DCC: variants seen among roughly 807,000 people sequenced by gnomAD.
DCC encodes DCC netrin 1 receptor.
A neutral mutation model predicts 172.5 loss-of-function variants in DCC; 58 were observed. That is an observed-to-expected ratio of 0.34 (90% CI 0.27 to 0.42). The LOEUF (loss-of-function observed/expected upper bound fraction) is 0.42. DCC is among the 10% of genes least tolerant of loss of function. The pLI, the probability that DCC is intolerant of heterozygous loss-of-function variation, is 1.00. For missense variants in DCC, 1,740 were observed against 1,791.0 expected (o/e 0.97, Z 0.51); for synonymous variants, 709 against 644.5 (o/e 1.10, Z -1.52).
chr18:53,523,090 C>T (rs1233230009), intron 27 of DCC, among the ~76,000 whole-genome samples: 1 of 152,060 alleles, frequency 6.6e-6, no homozygotes, highest in Non-Finnish European at 1.5e-5. Context: ...ACAACCCCTT[C>T]AAAAAGTGGG....
chr18:52,430,881 C>A (rs1276052106), intron 1 of DCC, among the ~76,000 whole-genome samples: 3 of 152,144 alleles, frequency 2.0e-5, no homozygotes, highest in Non-Finnish European at 4.4e-5. Flanking sequence ...TCACTAGACA[C>A]TTTAAATTAC....
intron 1 of DCC, among the ~76,000 whole-genome samples, chr18:52,712,855 G>A (rs1010336325): frequency 6.6e-6 from 1 of 152,196 alleles, no homozygotes; most frequent in Non-Finnish European, 1.5e-5. Flanking sequence ...AGGGCTGAGT[G>A]TGTAGAGTTG....
At chr18:53,053,740 A>G (rs2042365590) in intron 5 of DCC, among the ~76,000 whole-genome samples, 1 of 152,168 alleles carries the variant, frequency 6.6e-6, no homozygotes, top group Non-Finnish European at 1.5e-5. Flanking sequence ...GTCAGTATGC[A>G]TTGTTTGGGA....
intron 1 of DCC, among the ~76,000 whole-genome samples, chr18:52,689,079 C>A (rs2035887545): frequency 6.6e-6 from 1 of 152,078 alleles, no homozygotes; most frequent in African/African-American, 2.4e-5. Context: ...GAATTTTGGT[C>A]AAGGACATTG....
chr18:52,758,975 T>C (rs1320301300), intron 2 of DCC: 2 of 152,220 alleles, frequency 1.3e-5, no homozygotes, highest in African/African-American at 4.8e-5. Context: ...ATTAAATTGC[T>C]CTGACTCTGT....
chr18:52,625,633 G>A (rs1045217530), intron 1 of DCC, among the ~76,000 whole-genome samples: 9 of 152,104 alleles, frequency 5.9e-5, no homozygotes, highest in African/African-American at 9.6e-5. Context: ...ACAACCTCTC[G>A]GCTCTACCTG....
chr18:52,884,654 G>A (rs2039543575), intron 2 of DCC, among the ~76,000 whole-genome samples: 1 of 152,064 alleles, frequency 6.6e-6, no homozygotes, highest in Non-Finnish European at 1.5e-5. Flanking sequence ...TGAATTCTCT[G>A]TCTGAAAGGT....
chr18:52,545,216 T>C (rs1282721055), intron 1 of DCC, among the ~76,000 whole-genome samples: 2 of 152,312 alleles, frequency 1.3e-5, no homozygotes, highest in East Asian at 1.9e-4. Context: ...TGGGTCAGAC[T>C]TGATAGCTTC....
In DCC at chr18:52,702,727, C is replaced by T. The variant is rs1446377341; in HGVS notation, c.92-49327C>T. 1.3e-5 allele frequency among the ~76,000 whole-genome samples: 2 copies of T among 152,162 alleles called. 1 individual carries two copies. The highest frequency in any genetic ancestry group is 3.9e-4 in the East Asian group (2 of 5,190). ...AGCTCCCTTGGCCTTGTGGGGAATT[C>T]ACATTGCAAATTGTCATCCTTCATT... On this transcript the variant is annotated intron_variant, in intron 1 of 28. Coordinates refer to ENST00000442544, the MANE Select transcript of DCC (RefSeq NM_005215.4).
At position 52,832,748 on chromosome 18, in the gene DCC, G is replaced by A. The variant is rs140021573; in HGVS notation, c.413-73296G>A. The stretch of plus-strand genomic sequence containing the variant: ...TTTGCAACTTCATTGCCCTTTTATT[G>A]GCCATTGACTTTGCAAACAGAATGT... On this transcript the variant is annotated intron_variant, in intron 2 of 28. Transcript: ENST00000442544. 1.7e-3 allele frequency among the ~76,000 whole-genome samples: 266 copies of A among 152,124 alleles called. 3 individuals are homozygous for A. Among genetic ancestry groups the A allele is most frequent in the African/African-American group, 6.0e-3 (248 of 41,470 alleles).
chr18:52,848,306 C>T lies in DCC; in HGVS notation c.413-57738C>T, dbSNP rs576948920. On this transcript the variant is annotated intron_variant, in intron 2 of 28. Transcript: ENST00000442544. The stretch of plus-strand genomic sequence containing the variant: ...TTTGCCATGTTGGCCAGGCTAGTCT[C>T]AAACTTCTGACCCCAGGTGATTTGC... Among the ~76,000 whole-genome samples the T allele has an allele frequency of 9.2e-5, 14 of 152,140 alleles. No homozygotes were observed. The East Asian group carries it at 1.9e-3, about 21-fold the overall frequency.
At chr18:53,326,701 CA>C (rs2144837269) in intron 14 of DCC, among the ~76,000 whole-genome samples, 2 of 152,086 alleles carry the variant, frequency 1.3e-5, no homozygotes, top group East Asian at 3.9e-4. Flanking sequence ...TGACTTGCAC[CA>C]AAAGTTTCTT....
chr18:53,198,010 A>T (rs2055474828), intron 9 of DCC, among the ~76,000 whole-genome samples: 1 of 152,192 alleles, frequency 6.6e-6, no homozygotes, highest in Non-Finnish European at 1.5e-5. Context: ...AAAATAAAAT[A>T]GAAGTCTATT....
At position 53,386,025 on chromosome 18, in the gene DCC, T is replaced by G; in HGVS notation, c.2360-18T>G. 1 of 1,503,302 alleles carries G rather than the reference T, an allele frequency of 6.7e-7. No individual in the cohort carries two copies. The highest frequency in any genetic ancestry group is 9.3e-7 in the Non-Finnish European group (1 of 1,079,036). 93.1% of individuals were successfully genotyped at this position (1,503,302 alleles called of 1,614,324 possible). A position where few individuals can be genotyped will look rare whatever the true frequency, so the allele number is the denominator to read the frequency against. On this transcript the variant is annotated intron_variant, in intron 15 of 28. Coordinates refer to ENST00000442544, the MANE Select transcript of DCC (RefSeq NM_005215.4). ...TAAATATATCAACACGTTCATATTG[T>G]TTCTGTTTTTTCTCCAGAGTCAAGT...
At chr18:52,664,948 T>A (rs1343365330) in intron 1 of DCC, among the ~76,000 whole-genome samples, 1 of 152,210 alleles carries the variant, frequency 6.6e-6, no homozygotes, top group African/African-American at 2.4e-5. Context: ...GCCTCTCAGA[T>A]GCTGCCCTCT....
chr18:53,043,355 C>T (rs932937478), intron 5 of DCC, among the ~76,000 whole-genome samples: 1 of 151,860 alleles, frequency 6.6e-6, no homozygotes, highest in Non-Finnish European at 1.5e-5. Context: ...GGAGAAATAC[C>T]TAATGTAGAT....
At chr18:53,344,649 C>A (rs1449316424) in intron 15 of DCC, among the ~76,000 whole-genome samples, 2 of 151,402 alleles carry the variant, frequency 1.3e-5, no homozygotes, top group Admixed American at 1.3e-4. Context: ...ACAATCTTGT[C>A]CATGCTGGTC....
At chr18:53,417,635 A>T (rs931175261) in intron 21 of DCC, among the ~76,000 whole-genome samples, 1 of 152,016 alleles carries the variant, frequency 6.6e-6, no homozygotes, top group African/African-American at 2.4e-5. Context: ...GCTTCCGTAG[A>T]CAGATAACTC....
intron 12 of DCC, among the ~76,000 whole-genome samples, chr18:53,289,776 G>A (rs2056980199): frequency 6.6e-6 from 1 of 152,140 alleles, no homozygotes; most frequent in African/African-American, 2.4e-5. Flanking sequence ...TGCTTCAGAT[G>A]TAACATCTCT....
Sources: allele counts gnomAD v4.1 joint callset (sites outside exome capture counted in the v4.1 genomes callset), GRCh38; gene constraint gnomAD v4.1.1; transcripts MANE v1.5; gene names NCBI Gene and HGNC (gene_info 2026-07-23, HGNC 2026-07-21).